The following LIN28B variants were observed in gnomAD, a reference collection of about 807,000 sequenced individuals.
The protein encoded by LIN28B is lin-28 RNA binding posttranscriptional regulator B, also known as protein lin-28 homolog B.
In LIN28B, 5 loss-of-function variants were observed where a neutral mutation model predicts 21.9. The observed-to-expected ratio is 0.23, with a 90% CI of 0.12 to 0.48. LIN28B has a LOEUF of 0.48. LIN28B is among the 20% of genes least tolerant of loss of function. LIN28B has a pLI of 0.98. For synonymous variants in LIN28B, 109 were observed against 111.3 expected (o/e 0.98, Z 0.13); for missense variants, 245 against 310.5 (o/e 0.79, Z 1.58).
At chr6:104,994,945 T>A (rs1770569633) in intron 2 of LIN28B, among the ~76,000 whole-genome samples, 1 of 152,216 alleles carries the variant, frequency 6.6e-6, no homozygotes, top group Admixed American at 6.5e-5. Flanking sequence ...TATCCCTAAC[T>A]GGAAAATCTC....
intron 3 of LIN28B, among the ~76,000 whole-genome samples, chr6:105,041,161 C>G (rs1771624554): frequency 6.6e-6 from 1 of 152,154 alleles, no homozygotes; most frequent in Admixed American, 6.5e-5. Context: ...ATCCTCCCGC[C>G]TCAGCCTCCC....
At chr6:105,033,793 A>G (rs1771471240) in intron 3 of LIN28B, among the ~76,000 whole-genome samples, 1 of 151,878 alleles carries the variant, frequency 6.6e-6, no homozygotes, top group South Asian at 2.1e-4. Context: ...TAAAAACATG[A>G]TTTACTATGA....
At chr6:104,938,855 G>A (rs1407574445) in intron 2 of LIN28B, among the ~76,000 whole-genome samples, 2 of 151,864 alleles carry the variant, frequency 1.3e-5, no homozygotes. Context: ...TGTGTCACAG[G>A]AGCATGATGG....
intron 3 of LIN28B, among the ~76,000 whole-genome samples, chr6:105,035,658 C>G (rs995646904): frequency 6.6e-6 from 1 of 152,140 alleles, no homozygotes; most frequent in African/African-American, 2.4e-5. Flanking sequence ...AGTTTAATCA[C>G]TATGGTTTAC....
At chr6:105,044,273 G>T (rs1752583515) in intron 3 of LIN28B, among the ~76,000 whole-genome samples, 1 of 151,924 alleles carries the variant, frequency 6.6e-6, no homozygotes, top group Non-Finnish European at 1.5e-5. Flanking sequence ...TATGTTTCAG[G>T]GCTCTATGCT....
Position 104,957,214 on chromosome 6 carries a change from A to C in LIN28B, c.-37A>C. Reference sequence around the variant, plus strand: ...ACTCCGTTCCAAAGGGAAAGTTTTCATCTCACGAGTTTGGAGCTGAGGGCC... The same window carrying C: ...ACTCCGTTCCAAAGGGAAAGTTTTCCTCTCACGAGTTTGGAGCTGAGGGCC... On this transcript the variant is annotated 5_prime_UTR_variant, in exon 1 of 4. Coordinates refer to ENST00000345080, the MANE Select transcript of LIN28B (RefSeq NM_001004317.4). 1 of 1,614,022 alleles carries C rather than the reference A, an allele frequency of 6.2e-7. No homozygotes were observed. Among genetic ancestry groups the C allele is most frequent in the Non-Finnish European group, 8.5e-7 (1 of 1,179,894 alleles).
intron 2 of LIN28B, among the ~76,000 whole-genome samples, chr6:104,996,319 C>T (rs1401807495): frequency 6.6e-6 from 1 of 152,130 alleles, no homozygotes; most frequent in East Asian, 1.9e-4. Flanking sequence ...AGTGTTTGAT[C>T]ATTTCTGGTT....
chr6:104,967,674 A>T (rs1006870946), intron 2 of LIN28B, among the ~76,000 whole-genome samples: 1 of 148,448 alleles, frequency 6.7e-6, no homozygotes, highest in Admixed American at 6.7e-5. Flanking sequence ...TTATTTAATT[A>T]ATTATTATTA....
chr6:104,946,088 T>C (rs78421182), intron 2 of LIN28B, among the ~76,000 whole-genome samples: 3,483 of 151,996 alleles, frequency 0.023, 148 homozygotes, highest in African/African-American at 0.08. Context: ...CTAAATTAAA[T>C]TATATACTTT....
intron 3 of LIN28B, among the ~76,000 whole-genome samples, chr6:105,034,766 G>C (rs1771493134): frequency 6.6e-6 from 1 of 152,008 alleles, no homozygotes; most frequent in East Asian, 1.9e-4. Context: ...TGATAGTAAA[G>C]TTATTTTTGT....
intron 2 of LIN28B, among the ~76,000 whole-genome samples, chr6:104,973,390 A>G (rs973449903): frequency 6.6e-6 from 1 of 152,178 alleles, no homozygotes; most frequent in Non-Finnish European, 1.5e-5. Flanking sequence ...AAATTGAATA[A>G]TGAAATTACC....
intron 2 of LIN28B, among the ~76,000 whole-genome samples, chr6:105,014,148 C>T (rs1467309860): frequency 6.6e-6 from 1 of 151,922 alleles, no homozygotes; most frequent in East Asian, 1.9e-4. Flanking sequence ...TGAAACCTCT[C>T]TGTTTTATTA....
intron 2 of LIN28B, among the ~76,000 whole-genome samples, chr6:104,958,585 C>A (rs1769637771): frequency 6.6e-6 from 1 of 152,110 alleles, no homozygotes; most frequent in Non-Finnish European, 1.5e-5. Flanking sequence ...CCGGTATTAC[C>A]TATACAATAT....
chr6:105,017,106 A>G (rs1262904513), intron 2 of LIN28B, among the ~76,000 whole-genome samples: 1 of 151,478 alleles, frequency 6.6e-6, no homozygotes, highest in East Asian at 1.9e-4. Context: ...AAGATAACAG[A>G]CACATTATAA....
intron 3 of LIN28B, among the ~76,000 whole-genome samples, chr6:105,077,170 C>T (rs1270766941): frequency 6.6e-6 from 1 of 151,940 alleles, no homozygotes; most frequent in Non-Finnish European, 1.5e-5. Context: ...GCAGAGGTTG[C>T]AGTGAACCGA....
chr6:105,029,433 C>T (rs1454581624), intron 3 of LIN28B, among the ~76,000 whole-genome samples: 2 of 152,012 alleles, frequency 1.3e-5, no homozygotes, highest in Non-Finnish European at 2.9e-5. Context: ...TTCATTCTTA[C>T]AAACCTGGAG....
chr6:105,039,487 AGT>A (rs1421230990), intron 3 of LIN28B, among the ~76,000 whole-genome samples: 2 of 152,170 alleles, frequency 1.3e-5, no homozygotes, highest in African/African-American at 4.8e-5. Flanking sequence ...AGTTGCACAG[AGT>A]GTATGAAATT....
At chr6:105,076,894 G>A (rs963767520) in intron 3 of LIN28B, among the ~76,000 whole-genome samples, 1 of 150,780 alleles carries the variant, frequency 6.6e-6, no homozygotes, top group Non-Finnish European at 1.5e-5. Context: ...GTGAGCCACC[G>A]CCACCCAGCT....
At chr6:104,999,320 G>A (rs1322417) in intron 2 of LIN28B, among the ~76,000 whole-genome samples, 33,383 of 151,878 alleles carry the variant, frequency 0.22, 3,792 homozygotes, top group Middle Eastern at 0.32. Context: ...TGTGTTTTTT[G>A]TAGAGATGGG....
Sources: gnomAD v4.1 joint callset for allele counts (sites outside exome capture counted in the v4.1 genomes callset) on GRCh38, gnomAD v4.1.1 for gene constraint, MANE v1.5 for transcripts, NCBI Gene and HGNC (gene_info 2026-07-23, HGNC 2026-07-21) for gene names.